The following GRID2 variants were observed in gnomAD, a reference collection of about 807,000 sequenced individuals.
The protein encoded by GRID2 is glutamate receptor ionotropic, delta-2.
A neutral mutation model predicts 114.8 loss-of-function variants in GRID2; 33 were observed. The observed-to-expected ratio is 0.29, with a 90% CI of 0.22 to 0.38. GRID2 has a LOEUF of 0.38. Ranked by LOEUF, GRID2 falls within the 10% of genes least tolerant of loss-of-function variation. The pLI, the probability that GRID2 is intolerant of heterozygous loss-of-function variation, is 1.00. For synonymous variants in GRID2, 505 were observed against 449.9 expected (o/e 1.12, Z -1.55); for missense variants, 1,184 against 1,257.7 (o/e 0.94, Z 0.89).
intron 1 of GRID2, among the ~76,000 whole-genome samples, chr4:92,538,651 C>A (rs1725772245): frequency 1.3e-5 from 2 of 152,148 alleles, no homozygotes; most frequent in Non-Finnish European, 2.9e-5. Context: ...ACTCTACATG[C>A]TCTGTGAGGA....
At chr4:93,497,653 A>T (rs529384796) in intron 12 of GRID2, among the ~76,000 whole-genome samples, 40 of 151,866 alleles carry the variant, frequency 2.6e-4, no homozygotes, top group Admixed American at 1.3e-3. Context: ...ACAAAAAAAA[A>T]AATCTGTTGG....
chr4:92,343,735 G>C (rs570826803), intron 1 of GRID2, among the ~76,000 whole-genome samples: 1 of 152,092 alleles, frequency 6.6e-6, no homozygotes, highest in East Asian at 1.9e-4. Flanking sequence ...CACCATGCCT[G>C]GCTAAATTTT....
intron 2 of GRID2, among the ~76,000 whole-genome samples, chr4:93,054,461 A>G (rs750314329): frequency 6.6e-6 from 1 of 151,852 alleles, no homozygotes; most frequent in Non-Finnish European, 1.5e-5. Flanking sequence ...CAGGAAAGTC[A>G]TTGTATATTT....
chr4:92,723,256 C>G (rs2149318872), intron 2 of GRID2, among the ~76,000 whole-genome samples: 1 of 152,096 alleles, frequency 6.6e-6, no homozygotes, highest in East Asian at 1.9e-4. Flanking sequence ...AAGATGTTGT[C>G]TTAAAGTAGT....
At chr4:92,940,821 A>G (rs982604523) in intron 2 of GRID2, among the ~76,000 whole-genome samples, 12 of 152,178 alleles carry the variant, frequency 7.9e-5, no homozygotes, top group African/African-American at 2.7e-4. Flanking sequence ...ATCTATTGAG[A>G]TAATCATGTG....
chr4:93,803,712 A>T (rs1468529245), intron 1 of GRID2, among the ~76,000 whole-genome samples: 1 of 151,826 alleles, frequency 6.6e-6, no homozygotes, highest in Non-Finnish European at 1.5e-5. Flanking sequence ...ACAGTGTGAG[A>T]CTTCGTCTCA....
At chr4:92,612,341 C>T (rs983484268) in intron 2 of GRID2, among the ~76,000 whole-genome samples, 4 of 151,372 alleles carry the variant, frequency 2.6e-5, no homozygotes, top group Non-Finnish European at 4.4e-5. Context: ...TATGCTAGTA[C>T]CATATTGTAG....
At chr4:93,102,944 T>A (rs1731840274) in intron 3 of GRID2, among the ~76,000 whole-genome samples, 1 of 151,890 alleles carries the variant, frequency 6.6e-6, no homozygotes, top group African/African-American at 2.4e-5. Context: ...AGGCTTTACA[T>A]ATCATCAAAG....
intron 1 of GRID2, among the ~76,000 whole-genome samples, chr4:92,378,433 C>T (rs1478129243): frequency 1.3e-5 from 2 of 152,026 alleles, no homozygotes; most frequent in African/African-American, 4.8e-5. Context: ...GAAAGCCTCT[C>T]AATTGGTATG....
At chr4:93,104,149 G>A (rs182893039) in intron 3 of GRID2, among the ~76,000 whole-genome samples, 8 of 152,092 alleles carry the variant, frequency 5.3e-5, no homozygotes, top group Non-Finnish European at 1.2e-4. Flanking sequence ...ATTTGGACAA[G>A]TTTTCCAGAT....
chr4:93,247,654 G>C (rs1748358445), intron 8 of GRID2, among the ~76,000 whole-genome samples: 1 of 151,814 alleles, frequency 6.6e-6, no homozygotes, highest in Non-Finnish European at 1.5e-5. Context: ...TGGTTCTCTA[G>C]TTTCCAGATA....
intron 11 of GRID2, among the ~76,000 whole-genome samples, chr4:93,488,007 A>G (rs1726585833): frequency 6.6e-6 from 1 of 151,992 alleles, no homozygotes; most frequent in African/African-American, 2.4e-5. Flanking sequence ...AATTTTTATA[A>G]CAAAGATTAA....
intron 2 of GRID2, among the ~76,000 whole-genome samples, chr4:92,733,759 G>A (rs1736446327): frequency 2.0e-5 from 3 of 151,978 alleles, no homozygotes; most frequent in Non-Finnish European, 2.9e-5. Context: ...AAGATCCTGG[G>A]GGCTGTGATC....
chr4:93,316,291 CG>C (rs1756594898), intron 8 of GRID2, among the ~76,000 whole-genome samples: 13 of 77,122 alleles, frequency 1.7e-4, no homozygotes, highest in Non-Finnish European at 3.0e-4. Flanking sequence ...AACGAAAGAA[CG>C]AAAGAAAGAA....
At chr4:92,394,302 A>T (rs1276728676) in intron 1 of GRID2, among the ~76,000 whole-genome samples, 1 of 152,132 alleles carries the variant, frequency 6.6e-6, no homozygotes, top group East Asian at 1.9e-4. Context: ...CTAAGAAATA[A>T]TTATTTTCAC....
At chr4:93,807,694 A>G (rs1431853474) in exon 2 of GRID2, 1 of 152,188 alleles carries the variant, frequency 6.6e-6, no homozygotes, top group Non-Finnish European at 1.5e-5. Flanking sequence ...TTCCACATTC[A>G]TTTATAATAC....
At chr4:93,677,801 C>T (rs1276424264) in intron 14 of GRID2, among the ~76,000 whole-genome samples, 2 of 152,008 alleles carry the variant, frequency 1.3e-5, no homozygotes, top group East Asian at 3.9e-4. Context: ...CATCAAAGAC[C>T]AAAAGTAGAT....
chr4:92,965,450 T>TAAAAAAAAAAAAAAAAAA (rs869285420), intron 2 of GRID2, among the ~76,000 whole-genome samples: 24 of 85,776 alleles, frequency 2.8e-4, no homozygotes, highest in South Asian at 8.1e-4. Context: ...ATTCAATTTG[T>TAAAAAAAAAAAAAAAAAA]AAAAAAAAAA....
chr4:92,924,269 G>A (rs923218706), intron 2 of GRID2, among the ~76,000 whole-genome samples: 3 of 152,050 alleles, frequency 2.0e-5, no homozygotes, highest in Admixed American at 2.0e-4. Context: ...GGAGTGGGGA[G>A]GGATAGCATT....
Sources: allele counts gnomAD v4.1 joint callset (sites outside exome capture counted in the v4.1 genomes callset), GRCh38; gene constraint gnomAD v4.1.1; transcripts MANE v1.5; gene names NCBI Gene and HGNC (gene_info 2026-07-23, HGNC 2026-07-21).